The following ZNF536 variants were observed in gnomAD, a reference collection of about 807,000 sequenced individuals.
ZNF536 encodes zinc finger protein 536.
In ZNF536, 13 loss-of-function variants were observed where a neutral mutation model predicts 84.5. That is an observed-to-expected ratio of 0.15 (90% CI 0.10 to 0.24). The LOEUF (loss-of-function observed/expected upper bound fraction) is 0.24. ZNF536 is among the 10% of genes least tolerant of loss of function. ZNF536 has a pLI of 1.00. For missense variants in ZNF536, 1,536 were observed against 1,747.5 expected (o/e 0.88, Z 2.16); for synonymous variants, 811 against 742.5 (o/e 1.09, Z -1.50).
chr19:30,508,261 G>A (rs948219425), intron 2 of ZNF536, among the ~76,000 whole-genome samples: 1 of 152,244 alleles, frequency 6.6e-6, no homozygotes, highest in African/African-American at 2.4e-5. Context: ...GAGGTAGAAA[G>A]CCACCATCTA....
intron 2 of ZNF536, among the ~76,000 whole-genome samples, chr19:30,446,465 G>A (rs2052352884): frequency 6.6e-6 from 1 of 151,932 alleles, no homozygotes. Context: ...GAATGTGTAA[G>A]TTCCAAACTT....
intron 2 of ZNF536, among the ~76,000 whole-genome samples, chr19:30,504,916 C>CATATGCAGATGAAA (rs1371306218): frequency 7.2e-5 from 11 of 151,966 alleles, no homozygotes; most frequent in African/African-American, 2.4e-4. Flanking sequence ...ACAAATGGCC[C>CATATGCAGATGAAA]ATATGCAGAT....
chr19:30,651,736 G>A (rs2049716267), intron 1 of ZNF536, among the ~76,000 whole-genome samples: 1 of 152,152 alleles, frequency 6.6e-6, no homozygotes, highest in African/African-American at 2.4e-5. Flanking sequence ...AGCCTGCTAA[G>A]TACAGCATTT....
At chr19:30,516,802 G>T (rs946109874) in intron 2 of ZNF536, among the ~76,000 whole-genome samples, 1 of 152,272 alleles carries the variant, frequency 6.6e-6, no homozygotes, top group East Asian at 1.9e-4. Flanking sequence ...GCGAGGCTTC[G>T]TGGCGGCAGT....
At chr19:30,346,514 C>T (rs1246299368) in intron 2 of ZNF536, among the ~76,000 whole-genome samples, 1 of 152,126 alleles carries the variant, frequency 6.6e-6, no homozygotes, top group Non-Finnish European at 1.5e-5. Context: ...CTGAGAGGCC[C>T]CAGTGTGTTT....
chr19:30,367,130 C>T (rs1056892509), intron 3 of ZNF536, among the ~76,000 whole-genome samples: 2 of 152,214 alleles, frequency 1.3e-5, no homozygotes, highest in African/African-American at 4.8e-5. Flanking sequence ...GGCAGTGGCC[C>T]CTTTTCCATG....
chr19:30,331,217 G>C (rs965970707), intron 2 of ZNF536, among the ~76,000 whole-genome samples: 3 of 131,128 alleles, frequency 2.3e-5, no homozygotes, highest in African/African-American at 8.5e-5. Context: ...CCAGGAGTTT[G>C]AGACTGCAGT....
chr19:30,669,469 A>G (rs1172349068), intron 1 of ZNF536, among the ~76,000 whole-genome samples: 1 of 152,308 alleles, frequency 6.6e-6, no homozygotes, highest in African/African-American at 2.4e-5. Context: ...CTGATGAAGA[A>G]AGAAGGGACA....
chr19:30,446,112 G>C (rs776087219), intron 2 of ZNF536, among the ~76,000 whole-genome samples: 1 of 151,822 alleles, frequency 6.6e-6, no homozygotes, highest in East Asian at 1.9e-4. Flanking sequence ...AGGCAAATGT[G>C]GTGATGCATG....
chr19:30,234,583 G>C (rs1439091186), intron 1 of ZNF536, among the ~76,000 whole-genome samples: 1 of 151,684 alleles, frequency 6.6e-6, no homozygotes, highest in Non-Finnish European at 1.5e-5. Flanking sequence ...TGTGTTTTTA[G>C]TAGAGACAGG....
intron 3 of ZNF536, 125 bp downstream of exon 3, chr19:30,535,124 G>A: frequency 8.8e-7 from 1 of 1,132,484 alleles, no homozygotes; most frequent in Non-Finnish European, 1.2e-6. Context: ...CCCTGGGCCT[G>A]TCTAGCCACC....
intron 2 of ZNF536, among the ~76,000 whole-genome samples, chr19:30,501,970 G>A (rs963916961): frequency 6.6e-6 from 1 of 152,332 alleles, no homozygotes; most frequent in Admixed American, 6.5e-5. Context: ...AGCTCCAGGG[G>A]AGACACTTTG....
At chr19:30,318,197 TGCATG>T (rs1282156904) in intron 2 of ZNF536, among the ~76,000 whole-genome samples, 1 of 152,230 alleles carries the variant, frequency 6.6e-6, no homozygotes, top group Non-Finnish European at 1.5e-5. Flanking sequence ...CTCCCAACAC[TGCATG>T]AGGTTCAGTT....
At chr19:30,616,673 A>G (rs896373523) in intron 1 of ZNF536, among the ~76,000 whole-genome samples, 5 of 152,210 alleles carry the variant, frequency 3.3e-5, no homozygotes, top group African/African-American at 1.2e-4. Context: ...CAAAAAAAGA[A>G]TTTGGAAATT....
chr19:30,431,515 C>T (rs1055391244), intron 1 of ZNF536, among the ~76,000 whole-genome samples: 4 of 152,260 alleles, frequency 2.6e-5, no homozygotes, highest in East Asian at 1.9e-4. Flanking sequence ...CTCCCTGGGC[C>T]GACTTCTATA....
intron 2 of ZNF536, among the ~76,000 whole-genome samples, chr19:30,294,526 G>A (rs924801823): frequency 6.7e-6 from 1 of 149,586 alleles, no homozygotes; most frequent in Non-Finnish European, 1.5e-5. Flanking sequence ...CCAAATTTCT[G>A]TTTCTCCTCT....
intron 4 of ZNF536, chr19:30,556,946 A>C (rs979510116): frequency 3.5e-6 from 2 of 568,240 alleles, no homozygotes; most frequent in Non-Finnish European, 3.1e-6. Context: ...AGTGCTGATC[A>C]ACAGCACCTC....
chr19:30,511,042 G>A (rs1412567370), intron 2 of ZNF536, among the ~76,000 whole-genome samples: 3 of 152,216 alleles, frequency 2.0e-5, no homozygotes, highest in Admixed American at 6.5e-5. Flanking sequence ...TGTGGGTGGA[G>A]TACAAGGATG....
In ZNF536 at chr19:30,606,213, AAAAT is replaced by A. The variant is rs1360582721; in HGVS notation, c.169+56701_169+56704del. ...ATAAAATAATAAAATAAAATAAAAT[AAAAT>A]ATAAAATAAAATAATAAAATAAAAT... On this transcript the variant is annotated intron_variant, in intron 1 of 1. Coordinates refer to the ZNF536 transcript ENST00000592773. Among the ~76,000 whole-genome samples the A allele has an allele frequency of 3.3e-3, 465 of 142,960 alleles. 5 individuals are homozygous for A. The highest frequency in any genetic ancestry group is 9.1e-3 in the African/African-American group (351 of 38,654). The allele number at this position is 142,960 out of a possible 152,430, so 93.8% of individuals were successfully genotyped here. A position where few individuals can be genotyped will look rare whatever the true frequency, so the allele number is the denominator to read the frequency against.
Sources: allele counts gnomAD v4.1 joint callset (sites outside exome capture counted in the v4.1 genomes callset), GRCh38; gene constraint gnomAD v4.1.1; transcripts MANE v1.5; gene names NCBI Gene and HGNC (gene_info 2026-07-23, HGNC 2026-07-21).